The following LRRC7 variants were observed in gnomAD, a reference collection of about 807,000 sequenced individuals.
LRRC7 encodes leucine rich repeat containing 7, also known as leucine-rich repeat-containing protein 7.
In LRRC7, 23 loss-of-function variants were observed where a neutral mutation model predicts 175.7. The observed-to-expected ratio is 0.13, with a 90% CI of 0.09 to 0.19. The LOEUF is 0.19. Ranked by LOEUF, LRRC7 falls within the 10% of genes least tolerant of loss-of-function variation. The probability of loss-of-function intolerance (pLI) is 1.00; values close to 1 mark genes in which losing one functional copy is unlikely to be tolerated. For synonymous variants in LRRC7, 685 were observed against 680.9 expected (o/e 1.01, Z -0.09); for missense variants, 1,354 against 1,904.7 (o/e 0.71, Z 5.38).
intron 3 of LRRC7, among the ~76,000 whole-genome samples, chr1:69,761,615 A>T (rs1671044445): frequency 6.6e-6 from 1 of 152,012 alleles, no homozygotes; most frequent in African/African-American, 2.4e-5. Flanking sequence ...TTTTAGAGGT[A>T]GGTCAGGCCT....
intron 1 of LRRC7, among the ~76,000 whole-genome samples, chr1:69,639,947 T>C (rs978865625): frequency 6.6e-6 from 1 of 151,698 alleles, no homozygotes; most frequent in African/African-American, 2.4e-5. Flanking sequence ...GTTTGAACCA[T>C]AACTGTCTGT....
At chr1:69,593,345 A>G (rs1405408669) in intron 1 of LRRC7, among the ~76,000 whole-genome samples, 1 of 152,156 alleles carries the variant, frequency 6.6e-6, no homozygotes, top group African/African-American at 2.4e-5. Flanking sequence ...ATATTTGGAC[A>G]TGTAACACAT....
chr1:69,751,793 C>G (rs1669873557), intron 2 of LRRC7, among the ~76,000 whole-genome samples: 1 of 152,152 alleles, frequency 6.6e-6, no homozygotes, highest in African/African-American at 2.4e-5. Flanking sequence ...CTTAGAGGAA[C>G]TAATTTGCCG....
At chr1:69,931,402 T>A (rs907298513) in intron 7 of LRRC7, 105 bp from the exon 8 acceptor site, 2 of 809,072 alleles carry the variant, frequency 2.5e-6, no homozygotes, top group Non-Finnish European at 4.2e-6. Flanking sequence ...CCCAGTTTTG[T>A]GTACTACGCA....
At chr1:69,866,291 G>A (rs952206072) in intron 7 of LRRC7, among the ~76,000 whole-genome samples, 1 of 152,148 alleles carries the variant, frequency 6.6e-6, no homozygotes, top group Non-Finnish European at 1.5e-5. Context: ...AGCTCTTTAT[G>A]GGAGCTGTGG....
chr1:69,837,633 G>A (rs1269166693), intron 6 of LRRC7, among the ~76,000 whole-genome samples: 2 of 151,642 alleles, frequency 1.3e-5, no homozygotes, highest in East Asian at 3.9e-4. Flanking sequence ...ATATTCCAGT[G>A]AACACAGCAT....
At chr1:69,989,642 G>A (rs1356861534) in intron 10 of LRRC7, among the ~76,000 whole-genome samples, 4 of 151,762 alleles carry the variant, frequency 2.6e-5, no homozygotes, top group South Asian at 2.1e-4. Flanking sequence ...AAATGAAAAA[G>A]CAAACAAATT....
chr1:69,681,462 C>T (rs1453427524), intron 2 of LRRC7, among the ~76,000 whole-genome samples: 2 of 152,070 alleles, frequency 1.3e-5, no homozygotes, highest in African/African-American at 4.8e-5. Flanking sequence ...ATTCTCTATA[C>T]CACTTTACAA....
chr1:69,584,795 C>A (rs1448165033), intron 1 of LRRC7, among the ~76,000 whole-genome samples: 1 of 152,148 alleles, frequency 6.6e-6, no homozygotes, highest in Non-Finnish European at 1.5e-5. Flanking sequence ...TAGCTATTAT[C>A]TACACTCCAG....
Position 69,572,317 on chromosome 1 carries a change from TGAA to T in LRRC7, c.2+3678_2+3680del, listed in dbSNP as rs1569574462. 5.3e-5 allele frequency among the ~76,000 whole-genome samples: 8 copies of T among 152,186 alleles called. 1 individual carries two copies. On this transcript the variant is annotated intron_variant, in intron 1 of 26. Coordinates refer to ENST00000651989, the MANE Select transcript of LRRC7 (RefSeq NM_001370785.2). ...TAAAGATAGCAATTTAAACCTATAA[TGAA>T]GCAAATTATATTATATTCTGATGGA...
intron 7 of LRRC7, among the ~76,000 whole-genome samples, chr1:69,875,858 T>G (rs746656725): frequency 7.2e-5 from 11 of 152,086 alleles, no homozygotes; most frequent in Non-Finnish European, 1.3e-4. Flanking sequence ...AAGCCAAAAT[T>G]TGGCTAAACA....
At chr1:69,760,530 C>A (rs12411214) in intron 3 of LRRC7, 137 bp downstream of exon 3, 103,167 of 699,632 alleles carry the variant, frequency 0.15, 8,006 homozygotes, top group Middle Eastern at 0.17. Flanking sequence ...TAACTTCCCC[C>A]AATATTCTCA....
intron 1 of LRRC7, among the ~76,000 whole-genome samples, chr1:69,668,652 T>C (rs963477973): frequency 6.6e-6 from 1 of 152,224 alleles, no homozygotes; most frequent in Non-Finnish European, 1.5e-5. Context: ...ATCTTTTGGG[T>C]ATAAACCCAG....
chr1:70,092,182 A>G (rs1248049462), intron 25 of LRRC7, among the ~76,000 whole-genome samples: 3 of 152,124 alleles, frequency 2.0e-5, no homozygotes, highest in Non-Finnish European at 2.9e-5. Flanking sequence ...GAAACTACCT[A>G]AAAATATTAA....
At chr1:69,832,905 G>A (rs1450700096) in intron 5 of LRRC7, among the ~76,000 whole-genome samples, 1 of 152,100 alleles carries the variant, frequency 6.6e-6, no homozygotes, top group Non-Finnish European at 1.5e-5. Context: ...AGGAGTTTGA[G>A]ACCAGCCTGG....
intron 1 of LRRC7, chr1:69,607,401 A>T (rs559947499): frequency 4.8e-4 from 73 of 152,248 alleles, no homozygotes; most frequent in African/African-American, 1.7e-3. Context: ...AATTGTAAGC[A>T]TTGCTAAAAA....
rs183274062 is a variant in LRRC7 at position 69,582,726 on chromosome 1, T to G, written c.2+14085T>G. On this transcript the variant is annotated intron_variant, in intron 1 of 26. Coordinates refer to ENST00000651989, the MANE Select transcript of LRRC7 (RefSeq NM_001370785.2). Reference sequence around the variant, plus strand: ...ACAGTTTTTTCCTTCCTAACATAACTGCCTCTGAGTGGACTGGCACCAAAG... The same window carrying G: ...ACAGTTTTTTCCTTCCTAACATAACGGCCTCTGAGTGGACTGGCACCAAAG... 1.4e-3 allele frequency among the ~76,000 whole-genome samples: 216 copies of G among 152,294 alleles called. 1 individual carries two copies. The highest frequency in any genetic ancestry group is 4.8e-3 in the African/African-American group (201 of 41,576).
At chr1:69,862,826 A>T (rs1001614286) in intron 7 of LRRC7, among the ~76,000 whole-genome samples, 2 of 149,914 alleles carry the variant, frequency 1.3e-5, no homozygotes, top group Non-Finnish European at 3.0e-5. Context: ...CCTCCCTTAG[A>T]CCCCCCACCC....
intron 7 of LRRC7, among the ~76,000 whole-genome samples, chr1:69,927,646 C>T (rs1422759788): frequency 5.3e-5 from 8 of 152,164 alleles, no homozygotes; most frequent in African/African-American, 1.7e-4. Context: ...CGAGCCTTGG[C>T]TTTCAGCTCC....
Sources: allele counts gnomAD v4.1 joint callset (sites outside exome capture counted in the v4.1 genomes callset), GRCh38; gene constraint gnomAD v4.1.1; transcripts MANE v1.5; gene names NCBI Gene and HGNC (gene_info 2026-07-23, HGNC 2026-07-21).